DPP10: variants seen among roughly 807,000 people sequenced by gnomAD.
The protein encoded by DPP10 is dipeptidyl peptidase like 10.
DPP10 carries 33 observed loss-of-function variants against 120.9 expected under a neutral mutation model. The observed-to-expected ratio is 0.27, with a 90% CI of 0.21 to 0.37. The LOEUF is 0.37. Ranked by LOEUF, DPP10 falls within the 10% of genes least tolerant of loss-of-function variation. The pLI, the probability that DPP10 is intolerant of heterozygous loss-of-function variation, is 1.00. For missense variants in DPP10, 816 were observed against 942.8 expected, an observed-to-expected ratio of 0.87 and a Z score of 1.76; for synonymous variants, 337 against 326.1, an observed-to-expected ratio of 1.03 and a Z score of -0.36.
intron 3 of DPP10, among the ~76,000 whole-genome samples, chr2:115,360,578 G>A (rs955964137): frequency 2.6e-5 from 4 of 151,856 alleles, no homozygotes; most frequent in Non-Finnish European, 5.9e-5. Context: ...CCAGGTTGGA[G>A]GAGTTGGGGG....
At chr2:115,827,677 T>C (rs1236713686) in intron 21 of DPP10, among the ~76,000 whole-genome samples, 5 of 150,870 alleles carry the variant, frequency 3.3e-5, no homozygotes, top group Non-Finnish European at 7.4e-5. Flanking sequence ...CTCACTGCAA[T>C]CTCCACCTCC....
intron 1 of DPP10, among the ~76,000 whole-genome samples, chr2:114,471,303 C>A (rs1679888847): frequency 1.3e-5 from 2 of 152,142 alleles, no homozygotes; most frequent in Non-Finnish European, 2.9e-5. Flanking sequence ...AGTTTTGGAT[C>A]ATTTTCTTGG....
intron 11 of DPP10, among the ~76,000 whole-genome samples, chr2:115,754,799 CAT>C (rs1253009317): frequency 6.6e-6 from 1 of 152,040 alleles, no homozygotes; most frequent in Non-Finnish European, 1.5e-5. Context: ...TTAGCAGACA[CAT>C]GTTTTACAAG....
At chr2:115,228,213 C>T (rs1329901445) in intron 1 of DPP10, among the ~76,000 whole-genome samples, 1 of 151,960 alleles carries the variant, frequency 6.6e-6, no homozygotes, top group Non-Finnish European at 1.5e-5. Context: ...TACCAAAGTA[C>T]TGGGACTACA....
At chr2:115,408,299 C>G (rs971578240) in intron 3 of DPP10, among the ~76,000 whole-genome samples, 8 of 152,104 alleles carry the variant, frequency 5.3e-5, no homozygotes, top group Admixed American at 2.0e-4. Context: ...GGCTCCACCC[C>G]AATCTCCCAG....
intron 19 of DPP10, among the ~76,000 whole-genome samples, chr2:115,810,779 T>C (rs978211988): frequency 6.6e-6 from 1 of 152,150 alleles, no homozygotes; most frequent in Non-Finnish European, 1.5e-5. Flanking sequence ...GAAACACCCT[T>C]CTTACTGTGA....
At chr2:114,695,869 C>G (rs1054645317) in intron 1 of DPP10, among the ~76,000 whole-genome samples, 3 of 151,946 alleles carry the variant, frequency 2.0e-5, no homozygotes, top group Admixed American at 6.6e-5. Context: ...TTAAAATAAC[C>G]TTTTTAATAT....
intron 1 of DPP10, among the ~76,000 whole-genome samples, chr2:115,128,839 G>C (rs2050200231): frequency 6.6e-6 from 1 of 152,148 alleles, no homozygotes; most frequent in Non-Finnish European, 1.5e-5. Flanking sequence ...TCTAGTCACT[G>C]AACTTGTTCT....
chr2:115,502,592 A>G (rs1261935837), intron 4 of DPP10, among the ~76,000 whole-genome samples: 4 of 152,212 alleles, frequency 2.6e-5, no homozygotes, highest in Admixed American at 6.6e-5. Context: ...ACCGGCAGCT[A>G]TAAATTGTTT....
chr2:115,652,169 G>A (rs1000683704), intron 5 of DPP10, among the ~76,000 whole-genome samples: 1 of 151,958 alleles, frequency 6.6e-6, no homozygotes, highest in Non-Finnish European at 1.5e-5. Context: ...ATTCTTTCAA[G>A]TACTTTATAG....
intron 1 of DPP10, among the ~76,000 whole-genome samples, chr2:114,589,834 C>G (rs1691309093): frequency 6.6e-6 from 1 of 152,026 alleles, no homozygotes; most frequent in African/African-American, 2.4e-5. Context: ...ACTCCAACCT[C>G]TTGGTGGTTG....
At chr2:115,670,949 GA>G (rs1449083407) in intron 5 of DPP10, among the ~76,000 whole-genome samples, 8 of 151,840 alleles carry the variant, frequency 5.3e-5, no homozygotes, top group Non-Finnish European at 8.8e-5. Context: ...GAAACTATTG[GA>G]AAAAAATTGT....
chr2:115,283,157 G>A (rs2060230211), intron 1 of DPP10, among the ~76,000 whole-genome samples: 1 of 151,942 alleles, frequency 6.6e-6, no homozygotes. Context: ...CAAGTGCAAA[G>A]ACAGCGGGGC....
At chr2:115,100,458 A>AC (rs570416364) in intron 1 of DPP10, among the ~76,000 whole-genome samples, 1,730 of 136,616 alleles carry the variant, frequency 0.013, 21 homozygotes, top group African/African-American at 0.037. Context: ...CTAAATTAAA[A>AC]AACACACACA....
intron 1 of DPP10, among the ~76,000 whole-genome samples, chr2:114,464,118 G>C (rs563286152): frequency 6.6e-6 from 1 of 152,170 alleles, no homozygotes; most frequent in Admixed American, 6.5e-5. Context: ...AGGTTTTTGT[G>C]TGGACATAAA....
At chr2:115,256,374 C>A (rs1019397783) in intron 1 of DPP10, among the ~76,000 whole-genome samples, 1 of 152,158 alleles carries the variant, frequency 6.6e-6, no homozygotes, top group African/African-American at 2.4e-5. Context: ...GACTACAATT[C>A]AAGATGAGAT....
chr2:115,498,047 C>T (rs564254021), intron 3 of DPP10, among the ~76,000 whole-genome samples: 10 of 151,906 alleles, frequency 6.6e-5, no homozygotes, highest in Non-Finnish European at 1.3e-4. Flanking sequence ...TCAGTCCATA[C>T]GGCCAGCCTC....
rs536552880 is a variant in DPP10 at position 114,897,990 on chromosome 2, G to A, written c.61-411249G>A. On this transcript the variant is annotated intron_variant, in intron 1 of 25. Transcript: ENST00000410059. ...AAATACCATTTGACCCAGCCATTCC[G>A]TTACTGGGTGTATACCCAAAGGACT... Among the ~76,000 whole-genome samples the A allele has an allele frequency of 2.6e-4, 40 of 152,230 alleles. No individual in the cohort carries two copies. The South Asian group carries it at 4.6e-3, about 17-fold the overall frequency.
At chr2:114,908,509 G>A (rs1158748576) in intron 1 of DPP10, among the ~76,000 whole-genome samples, 3 of 151,784 alleles carry the variant, frequency 2.0e-5, no homozygotes, top group Non-Finnish European at 4.4e-5. Context: ...ATGAGAATTA[G>A]CATCAGACTT....
Sources: allele counts gnomAD v4.1 joint callset (sites outside exome capture counted in the v4.1 genomes callset), GRCh38; gene constraint gnomAD v4.1.1; transcripts MANE v1.5; gene names NCBI Gene and HGNC (gene_info 2026-07-23, HGNC 2026-07-21).